The following FAT3 variants were observed in gnomAD, a reference collection of about 807,000 sequenced individuals.
FAT3 encodes the protein protocadherin Fat 3.
A neutral mutation model predicts 310.2 loss-of-function variants in FAT3; 95 were observed. That is an observed-to-expected ratio of 0.31 (90% CI 0.26 to 0.36). The LOEUF (loss-of-function observed/expected upper bound fraction) is 0.36. FAT3 is among the 10% of genes least tolerant of loss of function. The probability of loss-of-function intolerance (pLI) is 1.00; values close to 1 mark genes in which losing one functional copy is unlikely to be tolerated. For missense variants in FAT3, 5,408 were observed against 5,715.6 expected (o/e 0.95, Z 1.74); for synonymous variants, 2,314 against 2,192.9 (o/e 1.06, Z -1.54).
At chr11:92,383,703 T>C (rs1949555138) in intron 2 of FAT3, among the ~76,000 whole-genome samples, 1 of 152,236 alleles carries the variant, frequency 6.6e-6, no homozygotes, top group Non-Finnish European at 1.5e-5. Flanking sequence ...GCCCACATTT[T>C]TCCTGTCTTA....
rs538189157 is a variant in FAT3 at position 92,666,517 on chromosome 11, A to AT, written c.3608-30851dup. 9.2e-3 allele frequency among the ~76,000 whole-genome samples: 1,216 copies of AT among 132,464 alleles called. 9 individuals are homozygous for AT. The highest frequency in any genetic ancestry group is 0.026 in the East Asian group (116 of 4,500). The allele number at this position is 132,464 out of a possible 152,430, so 86.9% of individuals were successfully genotyped here. Reference sequence around the variant, plus strand: ...CAGACAACCGCCACCACGCCCAGCTATTTTTTTTTTTTTTTTGTATCTTTA... The same window carrying AT: ...CAGACAACCGCCACCACGCCCAGCTATTTTTTTTTTTTTTTTTGTATCTTTA... On this transcript the variant is annotated intron_variant, in intron 3 of 27. Transcript: ENST00000525166.
At chr11:92,617,897 G>T (rs541172374) in intron 3 of FAT3, among the ~76,000 whole-genome samples, 22 of 152,170 alleles carry the variant, frequency 1.4e-4, no homozygotes, top group Non-Finnish European at 8.8e-5. Flanking sequence ...AGCCCCTACT[G>T]GGGGGTGTCT....
chr11:92,649,228 T>A (rs1398333938), intron 3 of FAT3, among the ~76,000 whole-genome samples: 1 of 152,156 alleles, frequency 6.6e-6, no homozygotes, highest in Non-Finnish European at 1.5e-5. Flanking sequence ...GAGTTATGAA[T>A]CTTAAAATGG....
intron 1 of FAT3, among the ~76,000 whole-genome samples, chr11:92,315,500 TATATATATATATAGAGAGAG>T (rs1316974917): frequency 2.2e-5 from 2 of 92,266 alleles, no homozygotes; most frequent in African/African-American, 8.0e-5. Flanking sequence ...TATATATATA[TATATATATATATAGAGAGAG>T]AGAGAGAGAG....
intron 1 of FAT3, among the ~76,000 whole-genome samples, chr11:92,282,159 G>A (rs1263487926): frequency 1.3e-5 from 2 of 152,082 alleles, no homozygotes; most frequent in East Asian, 3.9e-4. Flanking sequence ...GCCTGCCTCA[G>A]CCTCCCAAAG....
chr11:92,842,188 C>T (rs1379917553), intron 18 of FAT3, among the ~76,000 whole-genome samples: 1 of 152,220 alleles, frequency 6.6e-6, no homozygotes, highest in East Asian at 1.9e-4. Context: ...TTGCTGATCA[C>T]TGCCATAAAG....
In FAT3 at chr11:92,763,474, C is replaced by T. The variant is rs1591701524; in HGVS notation, c.3984+1304C>T. 2.6e-5 allele frequency among the ~76,000 whole-genome samples: 4 copies of T among 152,244 alleles called. No individual in the cohort carries two copies. The South Asian group carries it at 8.3e-4, about 32-fold the overall frequency. ...TCAAGTGGATACTGTTGGTGTCCTGCCCCAATCCCATTCTCAGACTGCAAG... is the reference window on the plus strand; with the variant it reads ...TCAAGTGGATACTGTTGGTGTCCTGTCCCAATCCCATTCTCAGACTGCAAG... On this transcript the variant is annotated intron_variant, in intron 5 of 27. Coordinates refer to ENST00000525166, the MANE Select transcript of FAT3 (RefSeq NM_001367949.2).
At position 92,238,962 on chromosome 11, in the gene FAT3, T is replaced by C. The variant is rs540160793; in HGVS notation, c.-18+13788T>C. On this transcript the variant is annotated intron_variant, in intron 1 of 27. Coordinates refer to ENST00000525166, the MANE Select transcript of FAT3 (RefSeq NM_001367949.2). ...TTTGTAACTTTGCCATTTGCAACTTTTCATTCATTTTTGCGTTTGTTAATA... is the reference window on the plus strand; with the variant it reads ...TTTGTAACTTTGCCATTTGCAACTTCTCATTCATTTTTGCGTTTGTTAATA... Among the ~76,000 whole-genome samples the C allele has an allele frequency of 2.0e-5, 3 of 152,272 alleles. No individual in the cohort carries two copies. The South Asian group carries it at 6.2e-4, about 32-fold the overall frequency.
intron 4 of FAT3, among the ~76,000 whole-genome samples, chr11:92,749,902 ATTATT>A (rs1295507867): frequency 6.6e-6 from 1 of 152,212 alleles, no homozygotes; most frequent in Non-Finnish European, 1.5e-5. Flanking sequence ...AGGGTAACAT[ATTATT>A]AGTAATTTAT....
At chr11:92,356,039 G>A (rs1948721065) in intron 2 of FAT3, among the ~76,000 whole-genome samples, 1 of 152,150 alleles carries the variant, frequency 6.6e-6, no homozygotes, top group Non-Finnish European at 1.5e-5. Context: ...TTTGTAAGGA[G>A]ATATTTACAA....
At chr11:92,810,130 T>C in intron 13 of FAT3, 54 bp downstream of exon 13, 1 of 1,503,402 alleles carries the variant, frequency 6.7e-7, no homozygotes, top group Non-Finnish European at 9.2e-7. Flanking sequence ...TGTCTTCAGG[T>C]GCTGCCATTC....
In FAT3 at chr11:92,595,861, A is replaced by T. The variant is rs544369178; in HGVS notation, c.3607+70913A>T. On this transcript the variant is annotated intron_variant, in intron 3 of 27. Coordinates refer to ENST00000525166, the MANE Select transcript of FAT3 (RefSeq NM_001367949.2). Reference sequence around the variant, plus strand: ...AGTGTTGGTCAGGTGCCTGAGACTAACTCTCCCAACCTTCTGTCGTGCTGT... The same window carrying T: ...AGTGTTGGTCAGGTGCCTGAGACTATCTCTCCCAACCTTCTGTCGTGCTGT... Among the ~76,000 whole-genome samples the T allele has an allele frequency of 6.6e-5, 10 of 152,158 alleles. No homozygotes were observed. In the South Asian group the frequency reaches 2.1e-3, roughly 32 times the overall value.
chr11:92,478,419 C>T (rs1452705772), intron 2 of FAT3, among the ~76,000 whole-genome samples: 1 of 152,142 alleles, frequency 6.6e-6, no homozygotes, highest in Admixed American at 6.5e-5. Context: ...TCCAGTTTTA[C>T]CATCACTGCC....
chr11:92,376,390 A>G (rs1949346206), intron 2 of FAT3, among the ~76,000 whole-genome samples: 1 of 152,200 alleles, frequency 6.6e-6, no homozygotes, highest in African/African-American at 2.4e-5. Context: ...GACAGAGGGA[A>G]ATAACAGTGG....
At chr11:92,617,512 T>C (rs910332076) in intron 3 of FAT3, among the ~76,000 whole-genome samples, 1 of 152,210 alleles carries the variant, frequency 6.6e-6, no homozygotes, top group Non-Finnish European at 1.5e-5. Context: ...TGTCCCACTT[T>C]GTTCCGTTGC....
In FAT3 at chr11:92,284,303, G is replaced by C. The variant is rs147923915; in HGVS notation, c.-18+59129G>C. ...TCCGAGAACTACAGGGAGTGTTTCCGTTTGGGTAGAGGGTGGGGTTCACAA... is the reference window on the plus strand; with the variant it reads ...TCCGAGAACTACAGGGAGTGTTTCCCTTTGGGTAGAGGGTGGGGTTCACAA... On this transcript the variant is annotated intron_variant, in intron 1 of 27. Coordinates refer to ENST00000525166, the MANE Select transcript of FAT3 (RefSeq NM_001367949.2). 2.8e-3 allele frequency among the ~76,000 whole-genome samples: 428 copies of C among 151,970 alleles called. 2 individuals carry two copies. The highest frequency in any genetic ancestry group is 0.017 in the Middle Eastern group (5 of 294).
chr11:92,297,542 A>C (rs1324569455), intron 1 of FAT3, among the ~76,000 whole-genome samples: 1 of 151,990 alleles, frequency 6.6e-6, no homozygotes, highest in South Asian at 2.1e-4. Flanking sequence ...GATCTTTCAG[A>C]CTCCTTTTAA....
intron 19 of FAT3, among the ~76,000 whole-genome samples, chr11:92,853,164 G>A (rs528172897): frequency 2.0e-5 from 3 of 152,238 alleles, no homozygotes; most frequent in Non-Finnish European, 4.4e-5. Flanking sequence ...GCACAGCCAG[G>A]CATGCTGGCA....
intron 4 of FAT3, among the ~76,000 whole-genome samples, chr11:92,735,129 A>G (rs986877293): frequency 1.6e-5 from 2 of 122,694 alleles, no homozygotes; most frequent in South Asian, 2.3e-4. Flanking sequence ...GACTTAGGGC[A>G]TGCATATCTG....
Sources: allele counts gnomAD v4.1 joint callset (sites outside exome capture counted in the v4.1 genomes callset), GRCh38; gene constraint gnomAD v4.1.1; transcripts MANE v1.5; gene names NCBI Gene and HGNC (gene_info 2026-07-23, HGNC 2026-07-21).